The following DNAH9 variants were observed in gnomAD, a reference collection of about 807,000 sequenced individuals.
DNAH9 encodes dynein axonemal heavy chain 9.
DNAH9 carries 345 observed loss-of-function variants against 471.6 expected under a neutral mutation model. That is an observed-to-expected ratio of 0.73 (90% CI 0.67 to 0.80). The LOEUF is 0.80. Ranked by LOEUF, DNAH9 falls within the 30% of genes least tolerant of loss-of-function variation. DNAH9 has a pLI of 0.00. For synonymous variants in DNAH9, 2,093 were observed against 2,123.6 expected (o/e 0.99, Z 0.40); for missense variants, 5,407 against 5,609.2 (o/e 0.96, Z 1.15).
At chr17:11,703,978 T>C (rs1012642087) in intron 24 of DNAH9, among the ~76,000 whole-genome samples, 1 of 152,222 alleles carries the variant, frequency 6.6e-6, no homozygotes, top group Non-Finnish European at 1.5e-5. Context: ...AACCGAATGA[T>C]ACATTTTTTC....
In DNAH9 at chr17:11,749,530, T is replaced by C. The variant is rs565500902; in HGVS notation, c.6610+1764T>C. The stretch of plus-strand genomic sequence containing the variant: ...GGAAATTATGCCTGTCTAGTCTTTT[T>C]AGCATCTGGGATTTCTATTAGTTTA... On this transcript the variant is annotated intron_variant, in intron 32 of 68. Coordinates refer to ENST00000262442, the MANE Select transcript of DNAH9 (RefSeq NM_001372.4). 3.9e-5 allele frequency among the ~76,000 whole-genome samples: 6 copies of C among 152,144 alleles called. No individual in the cohort carries two copies. The East Asian group carries it at 1.2e-3, about 29-fold the overall frequency.
At chr17:11,773,556 AATAT>A (rs1968303407) in intron 38 of DNAH9, among the ~76,000 whole-genome samples, 1 of 152,044 alleles carries the variant, frequency 6.6e-6, no homozygotes, top group Non-Finnish European at 1.5e-5. Flanking sequence ...AAATATATAT[AATAT>A]ATACACATAC....
At chr17:11,622,752 C>T (rs1597399011) in intron 6 of DNAH9, among the ~76,000 whole-genome samples, 1 of 152,274 alleles carries the variant, frequency 6.6e-6, no homozygotes, top group East Asian at 1.9e-4. Flanking sequence ...CGTCATTACT[C>T]TCACAATAAG....
At chr17:11,840,393 AC>A (rs1970990672) in intron 49 of DNAH9, among the ~76,000 whole-genome samples, 1 of 152,226 alleles carries the variant, frequency 6.6e-6, no homozygotes, top group African/African-American at 2.4e-5. Context: ...GTCTAATAGT[AC>A]TGCATTCTAT....
chr17:11,887,033 T>A, intron 57 of DNAH9, 68 bp downstream of exon 57: 2 of 1,508,226 alleles, frequency 1.3e-6, no homozygotes, highest in Non-Finnish European at 8.9e-7. Context: ...TGCAGCTCTC[T>A]GTGAGAGCTT....
At position 11,932,942 on chromosome 17, in the gene DNAH9, C is replaced by G. The variant is rs1974569651; in HGVS notation, c.12297+737C>G. 2.6e-5 allele frequency among the ~76,000 whole-genome samples: 4 copies of G among 152,218 alleles called. No homozygotes were observed. The South Asian group carries it at 8.3e-4, about 32-fold the overall frequency. ...TCACCTCGTCAAGGTTATTCTAGTT[C>G]AGGAGCCAAACACAGAGTCAACAGG... On this transcript the variant is annotated intron_variant, in intron 64 of 68. Transcript: ENST00000262442. This position sits in a 1 kb window ranked among gnomAD's most constrained non-coding sequence, Gnocchi z 4.3.
intron 41 of DNAH9, among the ~76,000 whole-genome samples, chr17:11,785,210 A>G (rs16945349): frequency 0.059 from 8,948 of 152,036 alleles, 910 homozygotes; most frequent in African/African-American, 0.21. Context: ...CAGATGTAGT[A>G]TCCTCATGTA....
At chr17:11,929,552 A>C (rs755235865) in intron 62 of DNAH9, among the ~76,000 whole-genome samples, 3 of 152,194 alleles carry the variant, frequency 2.0e-5, no homozygotes, top group Non-Finnish European at 2.9e-5. Context: ...AGCAAGAGAT[A>C]AGAGTTTAAC....
At chr17:11,681,424 A>C (rs1419589914) in intron 19 of DNAH9, among the ~76,000 whole-genome samples, 1 of 152,186 alleles carries the variant, frequency 6.6e-6, no homozygotes, top group Admixed American at 6.6e-5. Context: ...CCATTCATCC[A>C]TGCCCACGCT....
At chr17:11,786,398 C>A (rs747297414) in intron 41 of DNAH9, among the ~76,000 whole-genome samples, 2 of 152,128 alleles carry the variant, frequency 1.3e-5, no homozygotes, top group East Asian at 1.9e-4. Flanking sequence ...GTGGGAACGA[C>A]GAGTGATATG....
intron 17 of DNAH9, among the ~76,000 whole-genome samples, chr17:11,673,419 C>T (rs1333046791): frequency 6.6e-6 from 1 of 152,126 alleles, no homozygotes; most frequent in African/African-American, 2.4e-5. Context: ...CTTAAATATT[C>T]CCTATCTCCA....
At chr17:11,624,674 A>C (rs1280948334) in intron 6 of DNAH9, among the ~76,000 whole-genome samples, 1 of 152,160 alleles carries the variant, frequency 6.6e-6, no homozygotes, top group African/African-American at 2.4e-5. Context: ...CTGTCTTTGC[A>C]CCAAACTTTG....
intron 8 of DNAH9, among the ~76,000 whole-genome samples, chr17:11,635,031 A>G (rs982766535): frequency 6.6e-6 from 1 of 152,210 alleles, no homozygotes; most frequent in Non-Finnish European, 1.5e-5. Context: ...GTAATTTTAT[A>G]TCGTGTTTCT....
chr17:11,728,031 T>C, intron 28 of DNAH9, 109 bp downstream of exon 28: 4 of 715,462 alleles, frequency 5.6e-6, no homozygotes, highest in Non-Finnish European at 9.9e-6. Flanking sequence ...CCTTTTTCCC[T>C]TGTCATTTCA....
intron 52 of DNAH9, among the ~76,000 whole-genome samples, chr17:11,873,195 G>T (rs952341563): frequency 1.2e-4 from 18 of 152,216 alleles, no homozygotes; most frequent in African/African-American, 3.4e-4. Flanking sequence ...ATTGTTGAAG[G>T]AACCATCATT....
chr17:11,761,604 G>A, intron 35 of DNAH9, among the ~76,000 whole-genome samples: 1 of 152,020 alleles, frequency 6.6e-6, no homozygotes, highest in East Asian at 1.9e-4. Flanking sequence ...TGGATTCCAG[G>A]AGATGCTTGC....
intron 38 of DNAH9, among the ~76,000 whole-genome samples, chr17:11,775,595 C>CTTTTT (rs71142246): frequency 3.0e-4 from 18 of 61,004 alleles, no homozygotes; most frequent in South Asian, 6.6e-4. Flanking sequence ...ATCAGATGTT[C>CTTTTT]TTTTTTTTTT....
In DNAH9 at chr17:11,640,474, C is replaced by T. The variant is rs549161389; in HGVS notation, c.1901+90C>T. 147 of 871,030 alleles carry T rather than the reference C, an allele frequency of 1.7e-4. No individual in the cohort carries two copies. In the African/African-American group the frequency reaches 1.8e-3, roughly 11 times the overall value. 54.0% of individuals were successfully genotyped at this position (871,030 alleles called of 1,614,324 possible). On this transcript the variant is annotated intron_variant, in intron 10 of 68. Transcript: ENST00000262442. ...TGTTGTAGAAATGCAACCTGCTTAA[C>T]GAAGGCCAGAAAATCATCTTCCTTT...
chr17:11,663,146 G>C (rs2073806316), intron 14 of DNAH9, among the ~76,000 whole-genome samples: 2 of 152,106 alleles, frequency 1.3e-5, no homozygotes, highest in Non-Finnish European at 2.9e-5. Context: ...CTGAATTCCT[G>C]GGTTATCTGC....
Sources: allele counts gnomAD v4.1 joint callset (sites outside exome capture counted in the v4.1 genomes callset), GRCh38; gene constraint gnomAD v4.1.1; non-coding constraint Gnocchi (gnomAD v3.1); transcripts MANE v1.5; gene names NCBI Gene and HGNC (gene_info 2026-07-23, HGNC 2026-07-21).